The following MYT1L variants were observed in gnomAD, a reference collection of about 807,000 sequenced individuals.
The protein encoded by MYT1L is myelin transcription factor 1-like protein.
In MYT1L, 12 loss-of-function variants were observed where a neutral mutation model predicts 126.7. That is an observed-to-expected ratio of 0.09 (90% CI 0.06 to 0.15). The LOEUF (loss-of-function observed/expected upper bound fraction) is 0.15. MYT1L is among the 10% of genes least tolerant of loss of function. The pLI is 1.00. For synonymous variants in MYT1L, 541 were observed against 604.2 expected, an observed-to-expected ratio of 0.90 and a Z score of 1.53; for missense variants, 979 against 1,585.2, an observed-to-expected ratio of 0.62 and a Z score of 6.49.
At chr2:1,863,443 G>T (rs764782754) in intron 18 of MYT1L, among the ~76,000 whole-genome samples, 7 of 152,218 alleles carry the variant, frequency 4.6e-5, no homozygotes, top group Non-Finnish European at 7.3e-5. Context: ...CCACCCAAGG[G>T]TGAGAAGACT....
intron 2 of MYT1L, among the ~76,000 whole-genome samples, chr2:2,225,401 T>C (rs901507379): frequency 1.3e-5 from 2 of 152,130 alleles, no homozygotes; most frequent in South Asian, 2.1e-4. Flanking sequence ...CCTACCTACG[T>C]ACACCCCAGT....
intron 8 of MYT1L, among the ~76,000 whole-genome samples, chr2:1,968,258 G>A (rs556612341): frequency 7.4e-5 from 11 of 147,750 alleles, no homozygotes; most frequent in South Asian, 2.1e-4. Context: ...TGCCCTCTCC[G>A]CATGCCCGCT....
chr2:2,111,885 C>T (rs1396305256), intron 3 of MYT1L, among the ~76,000 whole-genome samples: 1 of 152,246 alleles, frequency 6.6e-6, no homozygotes, highest in East Asian at 1.9e-4. Context: ...CCATGGTGGG[C>T]GTTGCCCCCG....
At chr2:1,876,360 G>A (rs879694626) in intron 18 of MYT1L, among the ~76,000 whole-genome samples, 7 of 152,058 alleles carry the variant, frequency 4.6e-5, no homozygotes, top group African/African-American at 7.2e-5. Flanking sequence ...GCGTCCACGC[G>A]TGGCCTTCGT....
chr2:1,857,255 C>T (rs1032592595), intron 18 of MYT1L, among the ~76,000 whole-genome samples: 3 of 152,294 alleles, frequency 2.0e-5, no homozygotes, highest in Non-Finnish European at 2.9e-5. Context: ...CTGGAAGAGA[C>T]GCACAATCTC....
intron 21 of MYT1L, among the ~76,000 whole-genome samples, chr2:1,816,019 C>G (rs1202872388): frequency 1.3e-5 from 2 of 152,118 alleles, no homozygotes; most frequent in African/African-American, 4.8e-5. Flanking sequence ...TTAATAGAAA[C>G]TAGGTCTCAC....
intron 1 of MYT1L, among the ~76,000 whole-genome samples, chr2:2,309,475 G>C (rs1251726501): frequency 2.0e-5 from 3 of 150,660 alleles, no homozygotes; most frequent in Non-Finnish European, 4.4e-5. Flanking sequence ...ACACTTTACT[G>C]TTCTCTACCT....
In MYT1L at chr2:1,811,079, G is replaced by A. The variant is rs1247271336; in HGVS notation, c.3081-1912C>T. The A allele has an allele frequency of 6.6e-6, 1 of 152,154 alleles. No individual in the cohort carries two copies. Among genetic ancestry groups the A allele is most frequent in the Non-Finnish European group, 1.5e-5 (1 of 68,034 alleles). 9.4% of individuals were successfully genotyped at this position (152,154 alleles called of 1,614,324 possible). The stretch of plus-strand genomic sequence containing the variant: ...CTTCTCCCATGTGAGGACAGAGTGA[G>A]AAGGCGTCGTCCACCAACCAGAGAG... On this transcript the variant is annotated intron_variant, in intron 21 of 24. Transcript: ENST00000647738. The surrounding 1 kb of genome is among the most constrained non-coding windows in gnomAD (Gnocchi z 4.4).
At chr2:1,831,509 C>T (rs1254959562) in intron 21 of MYT1L, among the ~76,000 whole-genome samples, 3 of 152,192 alleles carry the variant, frequency 2.0e-5, no homozygotes, top group African/African-American at 7.2e-5. Context: ...AACCATTAGT[C>T]ATGTCCTCTA....
At chr2:2,103,529 A>G (rs997480355) in intron 3 of MYT1L, among the ~76,000 whole-genome samples, 7 of 152,240 alleles carry the variant, frequency 4.6e-5, no homozygotes, top group African/African-American at 1.7e-4. Flanking sequence ...GCGAGAGTGC[A>G]GAGATGCCAT....
chr2:1,831,699 GTGTGTGT>G (rs1393378793), intron 21 of MYT1L, among the ~76,000 whole-genome samples: 14 of 152,278 alleles, frequency 9.2e-5, no homozygotes, highest in East Asian at 5.8e-4. Flanking sequence ...TCCCAGTATT[GTGTGTGT>G]TCTTTTCTCT....
chr2:2,163,601 G>A (rs575627392), intron 3 of MYT1L, among the ~76,000 whole-genome samples: 11 of 151,510 alleles, frequency 7.3e-5, no homozygotes, highest in African/African-American at 2.2e-4. Context: ...GTGCGGTGGC[G>A]GGCGCCTGTA....
In MYT1L at chr2:1,979,920, G is replaced by C. The variant is rs1357194731; in HGVS notation, c.1-143C>G. Reference sequence around the variant, plus strand: ...TGAAGGGAAGCCCTCTACAAGGGCAGGGGGTAAGACCAGGCAATCTAAATG... The same window carrying C: ...TGAAGGGAAGCCCTCTACAAGGGCACGGGGTAAGACCAGGCAATCTAAATG... On this transcript the variant is annotated intron_variant, in intron 5 of 24. Coordinates refer to ENST00000647738, the MANE Select transcript of MYT1L (RefSeq NM_001303052.2). This position sits in a 1 kb window ranked among gnomAD's most constrained non-coding sequence, Gnocchi z 4.0. 1.3e-6 allele frequency: 1 copy of C among 773,712 alleles called. No homozygotes were observed. The highest frequency in any genetic ancestry group is 2.7e-5 in the East Asian group (1 of 37,510). 47.9% of individuals were successfully genotyped at this position (773,712 alleles called of 1,614,324 possible). A position where few individuals can be genotyped will look rare whatever the true frequency, so the allele number is the denominator to read the frequency against.
At chr2:2,201,143 G>T (rs2093054729) in intron 2 of MYT1L, among the ~76,000 whole-genome samples, 1 of 152,078 alleles carries the variant, frequency 6.6e-6, no homozygotes, top group African/African-American at 2.4e-5. Context: ...ACCTAACATT[G>T]AAACAGACAA....
In MYT1L at chr2:2,228,587, A is replaced by G. The variant is rs1179316665; in HGVS notation, c.-420-55599T>C. ...TATTTATATAAATTCTTGAGTTGAA[A>G]GATTAAAAGCAAAAATTTTAAGCTA... On this transcript the variant is annotated intron_variant, in intron 2 of 24. Transcript: ENST00000647738. This position sits in a 1 kb window ranked among gnomAD's most constrained non-coding sequence, Gnocchi z 5.9. Among the ~76,000 whole-genome samples, 2 of 152,174 alleles carry G rather than the reference A, an allele frequency of 1.3e-5. No homozygotes were observed. Among genetic ancestry groups the G allele is most frequent in the Admixed American group, 6.5e-5 (1 of 15,274 alleles).
intron 3 of MYT1L, among the ~76,000 whole-genome samples, chr2:2,116,059 G>A (rs1001118820): frequency 2.0e-5 from 3 of 152,206 alleles, no homozygotes; most frequent in African/African-American, 7.2e-5. Context: ...AAAACAGGAC[G>A]AGCCTCAACA....
At chr2:2,253,795 G>A (rs555662180) in intron 2 of MYT1L, among the ~76,000 whole-genome samples, 1 of 151,644 alleles carries the variant, frequency 6.6e-6, no homozygotes, top group Non-Finnish European at 1.5e-5. Context: ...AGGGCAAGTC[G>A]GAAACAGGAA....
intron 1 of MYT1L, among the ~76,000 whole-genome samples, chr2:2,289,294 T>G (rs1002430495): frequency 2.0e-5 from 3 of 152,242 alleles, no homozygotes; most frequent in African/African-American, 7.2e-5. Flanking sequence ...TTAAATGTAC[T>G]CAAGCTTACC....
chr2:2,032,295 C>G (rs1362763257), intron 4 of MYT1L, among the ~76,000 whole-genome samples: 6 of 113,732 alleles, frequency 5.3e-5, no homozygotes, highest in Admixed American at 8.9e-5. Context: ...CACATCCCTC[C>G]CCAGTGCCTC....
Sources: allele counts gnomAD v4.1 joint callset (sites outside exome capture counted in the v4.1 genomes callset), GRCh38; gene constraint gnomAD v4.1.1; non-coding constraint Gnocchi (gnomAD v3.1); transcripts MANE v1.5; gene names NCBI Gene and HGNC (gene_info 2026-07-23, HGNC 2026-07-21).